MAML2: variants seen among roughly 807,000 people sequenced by gnomAD.
The protein encoded by MAML2 is mastermind-like protein 2.
In MAML2, 22 loss-of-function variants were observed where a neutral mutation model predicts 96.1. The ratio of observed to expected loss-of-function variants is 0.23; its 90% CI spans 0.16 to 0.33. The LOEUF (loss-of-function observed/expected upper bound fraction) is 0.33. Ranked by LOEUF, MAML2 falls within the 10% of genes least tolerant of loss-of-function variation. The pLI, the probability that MAML2 is intolerant of heterozygous loss-of-function variation, is 1.00. For synonymous variants in MAML2, 561 were observed against 521.3 expected, an observed-to-expected ratio of 1.08 and a Z score of -1.04; for missense variants, 1,367 against 1,392.4, an observed-to-expected ratio of 0.98 and a Z score of 0.29.
intron 1 of MAML2, among the ~76,000 whole-genome samples, chr11:96,201,763 C>CA (rs1332166026): frequency 1.3e-5 from 2 of 150,858 alleles, no homozygotes; most frequent in Non-Finnish European, 3.0e-5. Flanking sequence ...ACTAAAAATA[C>CA]AAAAAATTAG....
At position 96,038,739 on chromosome 11, in the gene MAML2, TCTAA is replaced by T. The variant is rs1483366097; in HGVS notation, c.2140-47020_2140-47017del. On this transcript the variant is annotated intron_variant, in intron 2 of 4. Coordinates refer to ENST00000524717, the MANE Select transcript of MAML2 (RefSeq NM_032427.4). ...ATCTAAAATAGCACTTCCATCACTC[TCTAA>T]CTCTCTACCTTGCTTAATTTTTTTC... Among the ~76,000 whole-genome samples the T allele has an allele frequency of 2.0e-5, 3 of 152,250 alleles. No homozygotes were observed. In the East Asian group the frequency reaches 5.8e-4, roughly 29 times the overall value.
chr11:96,300,130 C>T (rs1252553271), intron 1 of MAML2, among the ~76,000 whole-genome samples: 1 of 151,982 alleles, frequency 6.6e-6, no homozygotes, highest in African/African-American at 2.4e-5. Context: ...TGAGTTTGAG[C>T]TCTCATAGGT....
At chr11:96,245,763 G>C (rs1167076816) in intron 1 of MAML2, among the ~76,000 whole-genome samples, 1 of 150,308 alleles carries the variant, frequency 6.7e-6, no homozygotes, top group Non-Finnish European at 1.5e-5. Flanking sequence ...GGAGTGCAGC[G>C]GTGCGATCTC....
chr11:96,002,953 G>A (rs145503775), intron 2 of MAML2, among the ~76,000 whole-genome samples: 6 of 150,462 alleles, frequency 4.0e-5, no homozygotes, highest in Non-Finnish European at 5.9e-5. Flanking sequence ...TAAGAAGGAT[G>A]ATGGCGATGA....
intron 2 of MAML2, among the ~76,000 whole-genome samples, chr11:96,025,585 G>A (rs137949171): frequency 4.6e-5 from 7 of 152,212 alleles, no homozygotes; most frequent in South Asian, 2.1e-4. Context: ...ATGGAGTCTC[G>A]CTCTGTCGCC....
intron 1 of MAML2, among the ~76,000 whole-genome samples, chr11:96,196,893 T>TC (rs1462616326): frequency 9.3e-5 from 14 of 150,478 alleles, no homozygotes; most frequent in Admixed American, 1.3e-4. Flanking sequence ...TTTTTTTTTT[T>TC]TTCAATAGGA....
intron 2 of MAML2, among the ~76,000 whole-genome samples, chr11:96,087,434 C>A (rs1859635357): frequency 2.6e-5 from 4 of 152,220 alleles, no homozygotes. Context: ...TGGCCTCCCA[C>A]AGACAACCCA....
chr11:96,224,446 C>G (rs1486570873), intron 1 of MAML2, among the ~76,000 whole-genome samples: 1 of 152,190 alleles, frequency 6.6e-6, no homozygotes, highest in East Asian at 1.9e-4. Flanking sequence ...TACCTCTATG[C>G]CTTTGCTACC....
Position 95,979,900 on chromosome 11 carries a change from G to T in MAML2, c.2519C>A (p.Thr840Asn). The T allele has an allele frequency of 1.2e-6, 2 of 1,613,892 alleles. No homozygotes were observed. The part of the protein sequence containing the change: ...QALANPVSTH[T>N]ILTPNSSLLS... Reference sequence around the variant, plus strand: ...GAGGCTGGAATTGGGAGTTAAAATGGTGTGTGTTGAAACTGGGTTTGCCAA... The same window carrying T: ...GAGGCTGGAATTGGGAGTTAAAATGTTGTGTGTTGAAACTGGGTTTGCCAA... The change falls in exon 5 of 5, where the codon ACC becomes AAC. Residue 840 changes from threonine (T) to asparagine (N), a missense_variant. Thr to Asn is a moderately conservative substitution (Grantham distance 65). Coordinates refer to ENST00000524717, the MANE Select transcript of MAML2 (RefSeq NM_032427.4).
intron 2 of MAML2, among the ~76,000 whole-genome samples, chr11:96,080,635 C>A (rs943023251): frequency 2.0e-5 from 3 of 152,198 alleles, no homozygotes; most frequent in Non-Finnish European, 2.9e-5. Flanking sequence ...ACACAGCATA[C>A]CCCAGTTATT....
intron 1 of MAML2, among the ~76,000 whole-genome samples, chr11:96,102,484 A>G (rs1254039278): frequency 6.6e-6 from 1 of 152,176 alleles, no homozygotes; most frequent in Non-Finnish European, 1.5e-5. Context: ...TAGAAAAGGA[A>G]TCCCACTCCC....
chr11:96,204,736 A>G (rs1008906714), intron 1 of MAML2, among the ~76,000 whole-genome samples: 1 of 152,244 alleles, frequency 6.6e-6, no homozygotes, highest in African/African-American at 2.4e-5. Context: ...GCTTAAGTTC[A>G]TACAGCCACT....
intron 1 of MAML2, among the ~76,000 whole-genome samples, chr11:96,171,324 G>A (rs1266047982): frequency 1.3e-4 from 20 of 152,078 alleles, no homozygotes; most frequent in African/African-American, 3.9e-4. Context: ...GACCGGGCGC[G>A]TTCTTCTCTG....
chr11:96,282,603 G>A (rs1164783312), intron 1 of MAML2, among the ~76,000 whole-genome samples: 1 of 152,122 alleles, frequency 6.6e-6, no homozygotes, highest in Non-Finnish European at 1.5e-5. Context: ...CTTTTTGCCA[G>A]AAATACTCAC....
At chr11:96,142,114 A>G (rs1471296057) in intron 1 of MAML2, among the ~76,000 whole-genome samples, 2 of 152,230 alleles carry the variant, frequency 1.3e-5, no homozygotes, top group Non-Finnish European at 2.9e-5. Flanking sequence ...ACCAGAGACA[A>G]TCACAATATT....
intron 1 of MAML2, among the ~76,000 whole-genome samples, chr11:96,099,405 AAC>A (rs1190866665): frequency 3.3e-5 from 5 of 152,152 alleles, no homozygotes; most frequent in Admixed American, 1.3e-4. Flanking sequence ...CTTTTTACTA[AAC>A]ACAGAAAGAA....
chr11:96,037,756 C>G (rs1440902701), intron 2 of MAML2, among the ~76,000 whole-genome samples: 1 of 152,206 alleles, frequency 6.6e-6, no homozygotes, highest in East Asian at 1.9e-4. Flanking sequence ...GGATGTGTCA[C>G]CAGCCAGGAG....
chr11:96,188,630 T>C (rs1302644694), intron 1 of MAML2, among the ~76,000 whole-genome samples: 3 of 150,646 alleles, frequency 2.0e-5, no homozygotes, highest in African/African-American at 7.4e-5. Context: ...TATGTCCTTT[T>C]TGAGGAAGTC....
chr11:96,166,716 G>A (rs1362250270), intron 1 of MAML2, among the ~76,000 whole-genome samples: 1 of 152,188 alleles, frequency 6.6e-6, no homozygotes, highest in African/African-American at 2.4e-5. Context: ...CCAATACAAA[G>A]GTACTGTCTG....
Sources: gnomAD v4.1 joint callset for allele counts (sites outside exome capture counted in the v4.1 genomes callset) on GRCh38, gnomAD v4.1.1 for gene constraint, MANE v1.5 for transcripts, NCBI Gene and HGNC (gene_info 2026-07-23, HGNC 2026-07-21) for gene names.